TBC1D13: variants seen among roughly 807,000 people sequenced by gnomAD.
The protein encoded by TBC1D13 is TBC1 domain family member 13.
A neutral mutation model predicts 53.6 loss-of-function variants in TBC1D13; 40 were observed. That is an observed-to-expected ratio of 0.75 (90% CI 0.58 to 0.97). TBC1D13 has a LOEUF of 0.97. Ranked by LOEUF, TBC1D13 falls within the 50% of genes least tolerant of loss-of-function variation. TBC1D13 has a pLI of 0.00. For synonymous variants in TBC1D13, 182 were observed against 197.7 expected (o/e 0.92, Z 0.67); for missense variants, 377 against 499.4 (o/e 0.75, Z 2.34).
Position 128,794,052 on chromosome 9 carries a change from G to A in TBC1D13, c.383+1478G>A, listed in dbSNP as rs145398177. ...GGTGCTTTTAGAGAATCAGAGGGAG[G>A]CCCTGTTTTCCTTTGGGGGATCGAG... is the stretch of plus-strand genomic sequence containing the variant. On this transcript the variant is annotated intron_variant, in intron 6 of 11. Transcript: ENST00000372648. Among the ~76,000 whole-genome samples, 5 of 152,316 alleles carry A rather than the reference G, an allele frequency of 3.3e-5. No individual in the cohort carries two copies. The East Asian group carries it at 5.8e-4, about 18-fold the overall frequency.
chr9:128,802,077 T>C (rs1829746720), intron 7 of TBC1D13, among the ~76,000 whole-genome samples: 1 of 143,872 alleles, frequency 7.0e-6, no homozygotes, highest in Admixed American at 7.6e-5. Context: ...TTTTTTGAAA[T>C]GGAGTTTCAC....
At position 128,807,830 on chromosome 9, in the gene TBC1D13, A is replaced by G; in HGVS notation, c.1154A>G (p.Asp385Gly). The G allele has an allele frequency of 6.2e-7, 1 of 1,614,178 alleles. No homozygotes were observed. The highest frequency in any genetic ancestry group is 8.5e-7 in the Non-Finnish European group (1 of 1,180,030). ...MRLLQDYPITDVCQILQKAKE... is the reference protein window; with the variant it reads ...MRLLQDYPITGVCQILQKAKE... ...TGTGCCCAGGACTACCCCATCACAG[A>G]TGTCTGCCAGATCCTGCAGAAAGCC... Residue 385 changes from aspartate (D) to glycine (G), a missense_variant, in exon 12 of 12, where the codon GAT becomes GGT. Coordinates refer to ENST00000372648, the MANE Select transcript of TBC1D13 (RefSeq NM_018201.5).
chr9:128,799,898 G>A (rs1829701326), intron 7 of TBC1D13, among the ~76,000 whole-genome samples: 1 of 152,194 alleles, frequency 6.6e-6, no homozygotes, highest in Non-Finnish European at 1.5e-5. Context: ...GCAGGCGCCT[G>A]TAGTCCCAGC....
chr9:128,795,702 C>A (rs1362150130), intron 6 of TBC1D13, among the ~76,000 whole-genome samples: 1 of 152,030 alleles, frequency 6.6e-6, no homozygotes, highest in African/African-American at 2.4e-5. Flanking sequence ...CCTCGTGATC[C>A]GCCTGCCTTG....
At chr9:128,802,873 C>G (rs1829761407) in intron 7 of TBC1D13, among the ~76,000 whole-genome samples, 2 of 151,700 alleles carry the variant, frequency 1.3e-5, no homozygotes, top group African/African-American at 4.8e-5. Flanking sequence ...TCGCTGGGAC[C>G]ACAGGTGCGT....
In TBC1D13 at chr9:128,797,225, A is replaced by C; in HGVS notation, c.543+11A>C. On this transcript the variant is annotated intron_variant, in intron 7 of 11. Coordinates refer to ENST00000372648, the MANE Select transcript of TBC1D13 (RefSeq NM_018201.5). Reference sequence around the variant, plus strand: ...AGTGGGGTCACAAATGTGAGTGCCAACCTGGGGTCCCCAGGGACTCCCCCA... The same window carrying C: ...AGTGGGGTCACAAATGTGAGTGCCACCCTGGGGTCCCCAGGGACTCCCCCA... 6.2e-7 allele frequency: 1 copy of C among 1,613,522 alleles called. No individual in the cohort carries two copies.
intron 2 of TBC1D13, chr9:128,789,812 T>TATATATATATATATATATGTATGTATAA (rs11269563): frequency 8.3e-4 from 110 of 132,386 alleles, no homozygotes; most frequent in South Asian, 2.1e-3. Context: ...TATATATATA[T>TATATATATATATATATATGTATGTATAA]AATAATTCCA....
chr9:128,787,455 C>T (rs1243844896), intron 1 of TBC1D13, 79 bp downstream of exon 1: 1 of 1,234,680 alleles, frequency 8.1e-7, no homozygotes, highest in Non-Finnish European at 1.0e-6. Flanking sequence ...GGGGGAAGCG[C>T]GGGTGTGGCC....
At chr9:128,800,066 GTC>G (rs1187289865) in intron 7 of TBC1D13, among the ~76,000 whole-genome samples, 1 of 152,208 alleles carries the variant, frequency 6.6e-6, no homozygotes, top group African/African-American at 2.4e-5. Context: ...GCTGATGTGT[GTC>G]TGTGTGTGTG....
At chr9:128,793,533 T>C (rs781143355) in intron 6 of TBC1D13, among the ~76,000 whole-genome samples, 1 of 152,156 alleles carries the variant, frequency 6.6e-6, no homozygotes, top group South Asian at 2.1e-4. Flanking sequence ...CTTGGGCAAG[T>C]GACTCACACC....
intron 7 of TBC1D13, among the ~76,000 whole-genome samples, chr9:128,797,775 C>T (rs534143707): frequency 2.6e-5 from 4 of 152,162 alleles, no homozygotes; most frequent in South Asian, 4.2e-4. Context: ...TGCCCTCCAG[C>T]GTGGGTGACA....
At position 128,807,791 on chromosome 9, in the gene TBC1D13, T is replaced by C. The variant is rs766341263; in HGVS notation, c.1138-23T>C. The stretch of plus-strand genomic sequence containing the variant: ...GGGGTGAAGTGGCTTCAGAGGCAAC[T>C]GTTGGCCTTTTCCTGTGCCCAGGAC... On this transcript the variant is annotated intron_variant, in intron 11 of 11. Coordinates refer to ENST00000372648, the MANE Select transcript of TBC1D13 (RefSeq NM_018201.5). 1.9e-6 allele frequency: 3 copies of C among 1,613,654 alleles called. No homozygotes were observed. The African/African-American group carries it at 4.0e-5, about 22-fold the overall frequency.
At chr9:128,804,946 C>A (rs915663541) in intron 9 of TBC1D13, among the ~76,000 whole-genome samples, 4 of 150,504 alleles carry the variant, frequency 2.7e-5, no homozygotes, top group Non-Finnish European at 4.4e-5. Flanking sequence ...CCAGGCTGGT[C>A]TCGAACTCCT....
chr9:128,804,186 C>T, intron 9 of TBC1D13, 67 bp downstream of exon 9: 1 of 1,569,596 alleles, frequency 6.4e-7, no homozygotes, highest in Non-Finnish European at 8.7e-7. Flanking sequence ...CCATCCCAGC[C>T]CAGGGCGAGG....
chr9:128,804,876 G>A (rs1284754139), intron 9 of TBC1D13, among the ~76,000 whole-genome samples: 1 of 151,868 alleles, frequency 6.6e-6, no homozygotes, highest in Non-Finnish European at 1.5e-5. Flanking sequence ...TTACAGGCGT[G>A]CGTTACCACG....
intron 9 of TBC1D13, among the ~76,000 whole-genome samples, chr9:128,805,351 C>T (rs966857615): frequency 6.6e-6 from 1 of 152,062 alleles, no homozygotes; most frequent in Non-Finnish European, 1.5e-5. Context: ...AGGAAGTATG[C>T]TTTTGCTGTT....
rs568469113 is a variant in TBC1D13 at position 128,797,716 on chromosome 9, T to C, written c.543+502T>C. Among the ~76,000 whole-genome samples, 33 of 151,948 alleles carry C rather than the reference T, an allele frequency of 2.2e-4. No individual in the cohort carries two copies. In the South Asian group the frequency reaches 6.9e-3, roughly 32 times the overall value. ...TACTCAGGAGGCTGAGGTAGGAGGA[T>C]GGTTTGAGCCTGGGAGGCAGAGGTT... On this transcript the variant is annotated intron_variant, in intron 7 of 11. Coordinates refer to ENST00000372648, the MANE Select transcript of TBC1D13 (RefSeq NM_018201.5).
chr9:128,805,061 A>G (rs1319044108), intron 9 of TBC1D13, among the ~76,000 whole-genome samples: 1 of 152,128 alleles, frequency 6.6e-6, no homozygotes. Context: ...TTAAACAAAT[A>G]TGGGTTGAGT....
chr9:128,803,297 T>A lies in TBC1D13; in HGVS notation c.591T>A (p.Tyr197Ter). Residue 197 changes from tyrosine (Y) to a stop codon, truncating the protein, a stop_gained, in exon 8 of 12, where the codon TAT becomes TAA. Transcript: ENST00000372648. LOFTEE classifies it high-confidence loss of function. Reference sequence around the variant, plus strand: ...CTGTGCCATCATCCCTAAATGAGTATGAGGTGCTGCCCAATGGCTGTGAGG... The same window carrying A: ...CTGTGCCATCATCCCTAAATGAGTAAGAGGTGCTGCCCAATGGCTGTGAGG... The part of the protein sequence containing the change: ...KNSVPSSLNE[Y>*]EVLPNGCEAH... The A allele has an allele frequency of 6.2e-7, 1 of 1,614,128 alleles. No individual in the cohort carries two copies. The highest frequency in any genetic ancestry group is 8.5e-7 in the Non-Finnish European group (1 of 1,179,980).
Sources: allele counts gnomAD v4.1 joint callset (sites outside exome capture counted in the v4.1 genomes callset), GRCh38; gene constraint gnomAD v4.1.1; transcripts MANE v1.5; gene names NCBI Gene and HGNC (gene_info 2026-07-23, HGNC 2026-07-21).